Variants in NAV2 observed in about 807,000 individuals in gnomAD.
NAV2 encodes helicase, APC down-regulated 1.
In NAV2, 54 loss-of-function variants were observed where a neutral mutation model predicts 223.2. That is an observed-to-expected ratio of 0.24 (90% CI 0.19 to 0.30). NAV2 has a LOEUF of 0.30. NAV2 is among the 10% of genes least tolerant of loss of function. NAV2 has a pLI of 1.00. For missense variants in NAV2, 2,806 were observed against 3,147.5 expected (o/e 0.89, Z 2.60); for synonymous variants, 1,279 against 1,239.3 (o/e 1.03, Z -0.67).
Position 19,786,059 on chromosome 11 carries a change from G to A in NAV2, c.268-46425G>A, listed in dbSNP as rs149117316. 6.1e-3 allele frequency among the ~76,000 whole-genome samples: 926 copies of A among 152,230 alleles called. 5 individuals are homozygous for A. The highest frequency in any genetic ancestry group is 9.1e-3 in the Non-Finnish European group (616 of 68,018). ...AAGTTGGTCAAAAAAGAAAAAAAGG[G>A]CAAAGACAGGAATTTGGAGTTTATT... On this transcript the variant is annotated intron_variant, in intron 1 of 37. Coordinates refer to ENST00000349880, the MANE Select transcript of NAV2 (RefSeq NM_145117.5).
intron 1 of NAV2, among the ~76,000 whole-genome samples, chr11:19,454,103 C>T (rs1192376749): frequency 6.6e-6 from 1 of 152,188 alleles, no homozygotes; most frequent in Admixed American, 6.5e-5. Flanking sequence ...AGTGAACACT[C>T]CCCGTCCCTG....
intron 1 of NAV2, among the ~76,000 whole-genome samples, chr11:19,588,023 A>T (rs1285579070): frequency 1.3e-5 from 2 of 152,254 alleles, no homozygotes; most frequent in Non-Finnish European, 2.9e-5. Context: ...TCTTGCCCTT[A>T]GATCAGTGTC....
chr11:19,549,883 A>G (rs1232140781), intron 1 of NAV2, among the ~76,000 whole-genome samples: 9 of 152,242 alleles, frequency 5.9e-5, no homozygotes, highest in African/African-American at 2.2e-4. Flanking sequence ...CCTGATAGCC[A>G]CTTCCCATGC....
chr11:19,619,236 T>C (rs1400291539), intron 1 of NAV2, among the ~76,000 whole-genome samples: 2 of 140,644 alleles, frequency 1.4e-5, no homozygotes, highest in African/African-American at 5.4e-5. Context: ...CATGTGTCTG[T>C]ATAGCAGCAT....
At chr11:19,520,677 A>T (rs1198071149) in intron 1 of NAV2, among the ~76,000 whole-genome samples, 1 of 152,174 alleles carries the variant, frequency 6.6e-6, no homozygotes, top group African/African-American at 2.4e-5. Context: ...CCTCTCATAG[A>T]GGACATGAGC....
intron 1 of NAV2, among the ~76,000 whole-genome samples, chr11:19,603,631 CAAAAAAAAAAA>C (rs1222524445): frequency 1.2e-4 from 7 of 57,726 alleles, no homozygotes; most frequent in South Asian, 6.5e-4. Context: ...GACTCCATCT[CAAAAAAAAAAA>C]AAAAAAAGAA....
At chr11:19,746,325 T>C (rs1487161899) in intron 1 of NAV2, among the ~76,000 whole-genome samples, 1 of 152,206 alleles carries the variant, frequency 6.6e-6, no homozygotes, top group Non-Finnish European at 1.5e-5. Flanking sequence ...ATTGCAGCCG[T>C]GGTTCCCAAA....
chr11:19,601,657 C>A (rs1350726757), intron 1 of NAV2, among the ~76,000 whole-genome samples: 1 of 152,114 alleles, frequency 6.6e-6, no homozygotes, highest in Admixed American at 6.5e-5. Flanking sequence ...GCAAACATTG[C>A]TATCGGTGAC....
At chr11:19,812,852 A>G (rs961787358) in intron 1 of NAV2, among the ~76,000 whole-genome samples, 1 of 152,164 alleles carries the variant, frequency 6.6e-6, no homozygotes, top group African/African-American at 2.4e-5. Context: ...GGCAATCTTA[A>G]GAGGAGACCA....
At chr11:19,381,514 G>A (rs925558529) in intron 1 of NAV2, among the ~76,000 whole-genome samples, 3 of 152,234 alleles carry the variant, frequency 2.0e-5, no homozygotes, top group East Asian at 1.9e-4. Flanking sequence ...TGAAACATAC[G>A]GAGACCCTGA....
chr11:19,560,266 C>T (rs1024801994), intron 1 of NAV2, among the ~76,000 whole-genome samples: 4 of 152,182 alleles, frequency 2.6e-5, no homozygotes, highest in Non-Finnish European at 5.9e-5. Context: ...AAGCTTTAGA[C>T]AAACCCTGAG....
chr11:19,961,703 T>C (rs887234339), intron 10 of NAV2, among the ~76,000 whole-genome samples: 14 of 152,228 alleles, frequency 9.2e-5, no homozygotes, highest in African/African-American at 3.1e-4. Flanking sequence ...ACCTCTCAGG[T>C]GTGTGAGGAG....
At chr11:19,903,309 T>G (rs2042600998) in intron 6 of NAV2, among the ~76,000 whole-genome samples, 1 of 152,220 alleles carries the variant, frequency 6.6e-6, no homozygotes, top group Non-Finnish European at 1.5e-5. Flanking sequence ...CGAATGGTCA[T>G]GCTACACGGT....
At chr11:19,964,506 TTATGAGACAGGAGC>T (rs2048594858) in intron 10 of NAV2, among the ~76,000 whole-genome samples, 1 of 151,962 alleles carries the variant, frequency 6.6e-6, no homozygotes. Context: ...TTTTTTTTTT[TTATGAGACAGGAGC>T]TTAGGAGCTC....
chr11:19,539,862 T>C (rs2044292977), intron 1 of NAV2, among the ~76,000 whole-genome samples: 1 of 152,206 alleles, frequency 6.6e-6, no homozygotes, highest in African/African-American at 2.4e-5. Context: ...TGTGTTCAGC[T>C]GATAATCAAA....
At chr11:19,960,699 T>A (rs1200710082) in intron 10 of NAV2, among the ~76,000 whole-genome samples, 3 of 152,080 alleles carry the variant, frequency 2.0e-5, no homozygotes, top group Admixed American at 6.6e-5. Flanking sequence ...CTGCAACCTC[T>A]GCCTCCCGCA....
chr11:19,544,198 A>G (rs1173923638), intron 1 of NAV2, among the ~76,000 whole-genome samples: 1 of 152,216 alleles, frequency 6.6e-6, no homozygotes, highest in African/African-American at 2.4e-5. Flanking sequence ...GTTGATTTCC[A>G]TCAAAACCGA....
At chr11:19,408,464 T>A (rs1252198785) in intron 1 of NAV2, among the ~76,000 whole-genome samples, 1 of 152,220 alleles carries the variant, frequency 6.6e-6, no homozygotes, top group Admixed American at 6.5e-5. Context: ...CTGTTTTGTG[T>A]CTGCATCAAG....
At chr11:19,696,167 A>G (rs943535923) in intron 1 of NAV2, among the ~76,000 whole-genome samples, 14 of 151,296 alleles carry the variant, frequency 9.3e-5, no homozygotes, top group African/African-American at 3.2e-4. Flanking sequence ...TCACATCGGG[A>G]AAAAAAAATA....
Sources: allele counts gnomAD v4.1 joint callset (sites outside exome capture counted in the v4.1 genomes callset), GRCh38; gene constraint gnomAD v4.1.1; transcripts MANE v1.5; gene names NCBI Gene and HGNC (gene_info 2026-07-23, HGNC 2026-07-21).